ZYG11A: variants seen among roughly 807,000 people sequenced by gnomAD.
ZYG11A encodes the protein protein zyg-11 homolog A.
In ZYG11A, 62 loss-of-function variants were observed where a neutral mutation model predicts 77.2. The ratio of observed to expected loss-of-function variants is 0.80; its 90% confidence interval spans 0.65 to 0.99. ZYG11A has a LOEUF of 0.99. Ranked by LOEUF, ZYG11A falls within the 50% of genes least tolerant of loss-of-function variation. The pLI is 0.00. For synonymous variants in ZYG11A, 315 were observed against 324.6 expected (o/e 0.97, Z 0.32); for missense variants, 828 against 896.8 (o/e 0.92, Z 0.98).
At chr1:52,887,188 A>C (rs963246164) in intron 13 of ZYG11A, 135 bp downstream of exon 13, 3 of 406,704 alleles carry the variant, frequency 7.4e-6, no homozygotes, top group Middle Eastern at 6.2e-4. Flanking sequence ...AAGAAACTGA[A>C]AAAAGATATT....
At chr1:52,846,346 A>T (rs780433126) in intron 1 of ZYG11A, among the ~76,000 whole-genome samples, 7 of 90,278 alleles carry the variant, frequency 7.8e-5, no homozygotes, top group African/African-American at 4.4e-4. Flanking sequence ...ATATATATAT[A>T]TATATATATA....
chr1:52,876,541 T>A (rs1646264942), intron 8 of ZYG11A, among the ~76,000 whole-genome samples: 1 of 152,194 alleles, frequency 6.6e-6, no homozygotes, highest in Non-Finnish European at 1.5e-5. Context: ...GTAGTAATAG[T>A]GCACAGTTAT....
At position 52,877,676 on chromosome 1, in the gene ZYG11A, T is replaced by G. The variant is rs746898396; in HGVS notation, c.1543-6T>G. On this transcript the variant is annotated splice_region_variant and splice_polypyrimidine_tract_variant and intron_variant, in intron 8 of 13. Coordinates refer to ENST00000371528, the MANE Select transcript of ZYG11A (RefSeq NM_001004339.3). ...CTAACTCCCTCCCTGTCTCTTTGGT[T>G]TTTAGGAACTTCTAGCAATAGTAAA... 5 of 1,544,608 alleles carry G rather than the reference T, an allele frequency of 3.2e-6. No homozygotes were observed. The South Asian group carries it at 6.1e-5, about 19-fold the overall frequency.
chr1:52,844,700 CT>C lies in ZYG11A; in HGVS notation c.90+1738del, dbSNP rs528245738. Among the ~76,000 whole-genome samples the C allele has an allele frequency of 5.7e-3, 844 of 147,182 alleles. 8 individuals are homozygous for C. The highest frequency in any genetic ancestry group is 0.019 in the African/African-American group (774 of 40,512). ...CCTGTTCTTGATACTATTGTAAATA[CT>C]TTTTTTTTTTGAGACGGAGTCTCCC... On this transcript the variant is annotated intron_variant, in intron 1 of 13. Coordinates refer to ENST00000371528, the MANE Select transcript of ZYG11A (RefSeq NM_001004339.3).
intron 1 of ZYG11A, among the ~76,000 whole-genome samples, chr1:52,843,281 T>C (rs1367885094): frequency 6.6e-6 from 1 of 152,168 alleles, no homozygotes; most frequent in Non-Finnish European, 1.5e-5. Context: ...TCCTCAGGAT[T>C]CCTCGCCCCA....
At chr1:52,864,786 A>G (rs514406) in intron 5 of ZYG11A, among the ~76,000 whole-genome samples, 70,830 of 149,782 alleles carry the variant, frequency 0.47, 18,106 homozygotes, top group Non-Finnish European at 0.59. Context: ...CTTAGACTAC[A>G]GGCGCTCGCC....
rs368215358 is a variant in ZYG11A at position 52,864,167 on chromosome 1, A to G, written c.1326+10A>G. ...CCCCCATTACCAGCAGGTAATTTCA[A>G]TTGAATATTTGTTTGTGCTTTTTTT... On this transcript the variant is annotated intron_variant, in intron 5 of 13. Transcript: ENST00000371528. 18 of 1,550,614 alleles carry G rather than the reference A, an allele frequency of 1.2e-5. No individual in the cohort carries two copies. The highest frequency in any genetic ancestry group is 2.4e-5 in the East Asian group (1 of 40,930).
chr1:52,866,426 C>A, intron 5 of ZYG11A, 77 bp from the exon 6 acceptor site: 1 of 831,754 alleles, frequency 1.2e-6, no homozygotes. Flanking sequence ...ACTAGTAATA[C>A]TTCCAAATAC....
intron 1 of ZYG11A, among the ~76,000 whole-genome samples, chr1:52,849,415 G>A (rs772362184): frequency 2.6e-5 from 4 of 151,682 alleles, no homozygotes; most frequent in Non-Finnish European, 5.9e-5. Context: ...TCAGGCTGGA[G>A]TGCAGTGGCG....
intron 8 of ZYG11A, among the ~76,000 whole-genome samples, chr1:52,870,052 C>T (rs1352122830): frequency 6.7e-6 from 1 of 149,638 alleles, no homozygotes; most frequent in African/African-American, 2.5e-5. Context: ...AGAGACGCTC[C>T]TCACCTCCCA....
In ZYG11A at chr1:52,850,305, C is replaced by T. The variant is rs986616958; in HGVS notation, c.91-4160C>T. On this transcript the variant is annotated intron_variant, in intron 1 of 13. Coordinates refer to ENST00000371528, the MANE Select transcript of ZYG11A (RefSeq NM_001004339.3). ...AGCTGGGACTTACAGGCGCAAGCAC[C>T]GGTACGCCCAGCTATTTTTTTTTTT... Among the ~76,000 whole-genome samples the T allele has an allele frequency of 6.6e-5, 10 of 151,618 alleles. No individual in the cohort carries two copies. In the East Asian group the frequency reaches 1.2e-3, roughly 18 times the overall value.
intron 2 of ZYG11A, among the ~76,000 whole-genome samples, chr1:52,856,339 C>A (rs1645809679): frequency 6.6e-6 from 1 of 151,564 alleles, no homozygotes; most frequent in Admixed American, 6.6e-5. Flanking sequence ...GGTGCAGTGC[C>A]TGTAGTCCCA....
chr1:52,852,548 A>T (rs1211959551), intron 1 of ZYG11A, among the ~76,000 whole-genome samples: 1 of 150,548 alleles, frequency 6.6e-6, no homozygotes, highest in East Asian at 2.0e-4. Context: ...TTTTATTTTT[A>T]GAACAGGGTT....
At position 52,863,481 on chromosome 1, in the gene ZYG11A, C is replaced by T. The variant is rs147556638; in HGVS notation, c.1150-500C>T. Among the ~76,000 whole-genome samples, 1,246 of 152,156 alleles carry T rather than the reference C, an allele frequency of 8.2e-3. 17 individuals are homozygous for T. The Middle Eastern group carries it at 0.13, about 16-fold the overall frequency. ...AATCCTGAGACTCTGCCTAAATGTG[C>T]TCTCTCAATGAGTTCTTCTGATTCT... On this transcript the variant is annotated intron_variant, in intron 4 of 13. Transcript: ENST00000371528.
At chr1:52,857,869 G>T in intron 3 of ZYG11A, 120 bp downstream of exon 3, 1 of 769,308 alleles carries the variant, frequency 1.3e-6, no homozygotes, top group South Asian at 2.8e-5. Context: ...AATCCTTAAA[G>T]AGCTTTTTTA....
chr1:52,852,564 A>G (rs150385972), intron 1 of ZYG11A, among the ~76,000 whole-genome samples: 6 of 146,826 alleles, frequency 4.1e-5, no homozygotes, highest in South Asian at 4.4e-4. Context: ...GGGTTTTGCT[A>G]TGTTGGCCAG....
chr1:52,848,700 C>T (rs1048071098), intron 1 of ZYG11A, among the ~76,000 whole-genome samples: 19 of 151,938 alleles, frequency 1.3e-4, no homozygotes, highest in African/African-American at 9.7e-5. Flanking sequence ...TGGAGAATCT[C>T]TACTAAATAT....
chr1:52,843,058 C>G (rs879865503), intron 1 of ZYG11A, 85 bp downstream of exon 1: 5 of 1,227,634 alleles, frequency 4.1e-6, no homozygotes, highest in Non-Finnish European at 5.5e-6. Flanking sequence ...GGGACGCTGC[C>G]GAGGCACTTG....
At chr1:52,855,171 G>A (rs1571840399) in intron 2 of ZYG11A, among the ~76,000 whole-genome samples, 2 of 150,552 alleles carry the variant, frequency 1.3e-5, no homozygotes, top group African/African-American at 4.9e-5. Context: ...CTGCTCTCTA[G>A]CTTTTTCAAA....
Sources: allele counts gnomAD v4.1 joint callset (sites outside exome capture counted in the v4.1 genomes callset), GRCh38; gene constraint gnomAD v4.1.1; transcripts MANE v1.5; gene names NCBI Gene and HGNC (gene_info 2026-07-23, HGNC 2026-07-21).